Variants in KCNH8 observed in about 807,000 individuals in gnomAD.
The protein encoded by KCNH8 is potassium voltage-gated channel subfamily H member 8, also known as voltage-gated delayed rectifier potassium channel KCNH8.
A neutral mutation model predicts 103.6 loss-of-function variants in KCNH8; 70 were observed. That is an observed-to-expected ratio of 0.68 (90% CI 0.56 to 0.82). KCNH8 has a LOEUF of 0.82. KCNH8 is among the 40% of genes least tolerant of loss of function. The pLI is 0.00. For missense variants in KCNH8, 1,217 were observed against 1,329.9 expected (o/e 0.92, Z 1.32); for synonymous variants, 498 against 489.4 (o/e 1.02, Z -0.23).
intron 3 of KCNH8, among the ~76,000 whole-genome samples, chr3:19,285,752 C>T (rs2064822405): frequency 6.6e-6 from 1 of 151,918 alleles, no homozygotes; most frequent in South Asian, 2.1e-4. Context: ...GCAGCCCAAC[C>T]TCAGAGCCTA....
intron 1 of KCNH8, among the ~76,000 whole-genome samples, chr3:19,244,155 G>T (rs879725970): frequency 2.6e-5 from 4 of 152,088 alleles, no homozygotes; most frequent in Non-Finnish European, 5.9e-5. Flanking sequence ...AATGAAAATT[G>T]TCCCAGAAAA....
intron 7 of KCNH8, among the ~76,000 whole-genome samples, chr3:19,400,231 CAAAAAAAAAAAA>C (rs11422314): frequency 1.9e-5 from 1 of 53,108 alleles, no homozygotes; most frequent in Non-Finnish European, 3.3e-5. Flanking sequence ...TGTTAGCCAG[CAAAAAAAAAAAA>C]AAAAAAAAAA....
intron 7 of KCNH8, among the ~76,000 whole-genome samples, chr3:19,407,248 C>G (rs912690014): frequency 7.2e-5 from 11 of 152,044 alleles, no homozygotes; most frequent in Admixed American, 1.3e-4. Flanking sequence ...GAAATATAAT[C>G]TAAGTGTAGT....
At chr3:19,391,909 T>G (rs1334873427) in intron 6 of KCNH8, 5 of 151,976 alleles carry the variant, frequency 3.3e-5, no homozygotes, top group Non-Finnish European at 7.4e-5. Context: ...AATAAGTATA[T>G]AATTCACAAA....
chr3:19,323,939 T>G (rs2065385579), intron 3 of KCNH8, among the ~76,000 whole-genome samples: 1 of 152,150 alleles, frequency 6.6e-6, no homozygotes, highest in Middle Eastern at 3.2e-3. Flanking sequence ...TGAAGGTTCT[T>G]GGTTGTATTT....
chr3:19,492,449 A>G (rs2068343538), intron 11 of KCNH8, among the ~76,000 whole-genome samples: 1 of 151,888 alleles, frequency 6.6e-6, no homozygotes, highest in African/African-American at 2.4e-5. Flanking sequence ...CCCATTACTT[A>G]TGTTTGTCGA....
chr3:19,300,212 G>A (rs1375342421), intron 3 of KCNH8, among the ~76,000 whole-genome samples: 1 of 151,146 alleles, frequency 6.6e-6, no homozygotes, highest in Non-Finnish European at 1.5e-5. Context: ...TTGCACCACT[G>A]CCCTCCAGCC....
chr3:19,440,814 CATA>C (rs2067272280), intron 8 of KCNH8, among the ~76,000 whole-genome samples: 1 of 152,174 alleles, frequency 6.6e-6, no homozygotes, highest in South Asian at 2.1e-4. Flanking sequence ...AGTGTTCTGA[CATA>C]ATACCATAAT....
At chr3:19,477,424 C>A (rs28495693) in intron 11 of KCNH8, among the ~76,000 whole-genome samples, 3 of 131,018 alleles carry the variant, frequency 2.3e-5, no homozygotes, top group Non-Finnish European at 3.2e-5. Flanking sequence ...TTTTGGTTTT[C>A]TTTTTTTTTT....
rs376540148 is a variant in KCNH8, at chr3:19,247,600, C to T, written c.77-6054C>T. Among the ~76,000 whole-genome samples, 17 of 152,294 alleles carry T rather than the reference C, an allele frequency of 1.1e-4. No homozygotes were observed. In the East Asian group the frequency reaches 2.5e-3, roughly 22 times the overall value. On this transcript the variant is annotated intron_variant, in intron 1 of 15. Transcript: ENST00000328405. ...TGGAGGACTTATATTTGTCTACCTT[C>T]CTTGTCAACAGCATATGTTACTATG...
At chr3:19,497,590 T>A (rs1373385607) in intron 11 of KCNH8, among the ~76,000 whole-genome samples, 1 of 152,216 alleles carries the variant, frequency 6.6e-6, no homozygotes, top group Non-Finnish European at 1.5e-5. Flanking sequence ...TTTTATGCAC[T>A]GTGGTCCAAG....
At chr3:19,505,315 G>A (rs192102698) in intron 11 of KCNH8, among the ~76,000 whole-genome samples, 1 of 152,130 alleles carries the variant, frequency 6.6e-6, no homozygotes, top group Admixed American at 6.6e-5. Context: ...AGGGTGAAGG[G>A]TTGGAGGAGG....
intron 1 of KCNH8, among the ~76,000 whole-genome samples, chr3:19,211,090 A>C (rs995275094): frequency 6.6e-6 from 1 of 152,166 alleles, no homozygotes; most frequent in South Asian, 2.1e-4. Context: ...AGTTTTCTAC[A>C]TACGTTTATG....
intron 3 of KCNH8, among the ~76,000 whole-genome samples, chr3:19,303,593 G>A (rs929032017): frequency 6.6e-6 from 1 of 152,062 alleles, no homozygotes; most frequent in African/African-American, 2.4e-5. Context: ...CCTGATATGT[G>A]CATTGAGACA....
intron 2 of KCNH8, among the ~76,000 whole-genome samples, chr3:19,259,612 AATTT>A (rs1316701295): frequency 1.3e-5 from 2 of 151,724 alleles, no homozygotes; most frequent in Admixed American, 1.3e-4. Context: ...GATGCACTTC[AATTT>A]ATTTATTTTT....
intron 1 of KCNH8, among the ~76,000 whole-genome samples, chr3:19,222,991 C>T (rs1031245265): frequency 3.9e-5 from 6 of 152,086 alleles, no homozygotes; most frequent in Non-Finnish European, 8.8e-5. Flanking sequence ...GTTTTGAGCT[C>T]CGGCACAAAT....
At chr3:19,427,897 G>T (rs1299739324) in intron 7 of KCNH8, among the ~76,000 whole-genome samples, 2 of 152,144 alleles carry the variant, frequency 1.3e-5, no homozygotes, top group Admixed American at 6.6e-5. Context: ...GGTGGAAGGA[G>T]AGAGCACTTA....
chr3:19,475,599 A>C (rs1363832219), intron 11 of KCNH8, among the ~76,000 whole-genome samples: 2 of 152,198 alleles, frequency 1.3e-5, no homozygotes, highest in African/African-American at 4.8e-5. Context: ...TCAGGCTCAA[A>C]ATATAAACTC....
At chr3:19,474,468 T>A (rs1247668624) in intron 11 of KCNH8, among the ~76,000 whole-genome samples, 2 of 152,120 alleles carry the variant, frequency 1.3e-5, no homozygotes, top group Non-Finnish European at 2.9e-5. Flanking sequence ...AGCCAAGTCA[T>A]TAGAAATACA....
Sources: allele counts gnomAD v4.1 joint callset (sites outside exome capture counted in the v4.1 genomes callset), GRCh38; gene constraint gnomAD v4.1.1; transcripts MANE v1.5; gene names NCBI Gene and HGNC (gene_info 2026-07-23, HGNC 2026-07-21).